Variants in NAV2 observed in about 807,000 individuals in gnomAD.
NAV2 encodes neuron navigator 2.
In NAV2, 54 loss-of-function variants were observed where a neutral mutation model predicts 223.2. The ratio of observed to expected loss-of-function variants is 0.24; its 90% CI spans 0.19 to 0.30. The LOEUF (loss-of-function observed/expected upper bound fraction) is 0.30. Among genes scored for constraint, NAV2 ranks in the 10% least tolerant of loss-of-function variants. The pLI, the probability that NAV2 is intolerant of heterozygous loss-of-function variation, is 1.00. For synonymous variants in NAV2, 1,279 were observed against 1,239.3 expected, an observed-to-expected ratio of 1.03 and a Z score of -0.67; for missense variants, 2,806 against 3,147.5, an observed-to-expected ratio of 0.89 and a Z score of 2.60.
In NAV2 at chr11:20,107,896, C is replaced by T. The variant is rs116650298; in HGVS notation, c.6960+114C>T. On this transcript the variant is annotated intron_variant, in intron 36 of 37. Coordinates refer to ENST00000349880, the MANE Select transcript of NAV2 (RefSeq NM_145117.5). Reference sequence around the variant, plus strand: ...TCTGACTGACATGGGGTGACAACCCCTCACCTGGGAGTTCATCAGTGTAGT... The same window carrying T: ...TCTGACTGACATGGGGTGACAACCCTTCACCTGGGAGTTCATCAGTGTAGT... 2.7e-3 allele frequency: 2,020 copies of T among 750,462 alleles called. 27 individuals are homozygous for T. The African/African-American group carries it at 0.031, about 11-fold the overall frequency. 46.5% of individuals were successfully genotyped at this position (750,462 alleles called of 1,614,324 possible).
chr11:19,376,483 A>T (rs559050436), intron 1 of NAV2, among the ~76,000 whole-genome samples: 7 of 152,340 alleles, frequency 4.6e-5, no homozygotes, highest in Non-Finnish European at 7.3e-5. Context: ...ACCTGCTGTT[A>T]TACTGCTAGT....
intron 3 of NAV2, among the ~76,000 whole-genome samples, chr11:19,859,758 C>A (rs1355962106): frequency 6.7e-6 from 1 of 150,368 alleles, no homozygotes; most frequent in Non-Finnish European, 1.5e-5. Context: ...GGGCGGCTGG[C>A]CGGGTGGGGG....
At position 19,738,973 on chromosome 11, in the gene NAV2, A is replaced by G. The variant is rs1047071487; in HGVS notation, c.267+25011A>G. On this transcript the variant is annotated intron_variant, in intron 1 of 37. Transcript: ENST00000349880. ...GATGGAAAAATGGAATTAGAAACAT[A>G]TACAAATCACTAGCCTGGGCAACAT... 1.2e-4 allele frequency among the ~76,000 whole-genome samples: 18 copies of G among 152,132 alleles called. 1 individual carries two copies. The highest frequency in any genetic ancestry group is 4.1e-4 in the African/African-American group (17 of 41,408).
intron 2 of NAV2, among the ~76,000 whole-genome samples, chr11:19,841,355 T>A (rs973587664): frequency 1.3e-5 from 2 of 152,242 alleles, no homozygotes; most frequent in African/African-American, 4.8e-5. Flanking sequence ...GATTCAGGTT[T>A]CTAAAATCTT....
chr11:19,864,365 T>C (rs930112903), intron 3 of NAV2, among the ~76,000 whole-genome samples: 6 of 152,198 alleles, frequency 3.9e-5, no homozygotes, highest in African/African-American at 1.4e-4. Context: ...CGGAGAAAAA[T>C]GCTGCCATGA....
chr11:20,063,561 G>C (rs4757027), intron 20 of NAV2, among the ~76,000 whole-genome samples: 88,517 of 151,816 alleles, frequency 0.58, 26,883 homozygotes, highest in Non-Finnish European at 0.67. Flanking sequence ...TTTTAGTAGA[G>C]ACGGGATTTC....
intron 6 of NAV2, among the ~76,000 whole-genome samples, chr11:19,927,486 G>A (rs974736042): frequency 1.3e-5 from 2 of 152,208 alleles, no homozygotes; most frequent in African/African-American, 2.4e-5. Flanking sequence ...GGAGGCTGAG[G>A]CAGCAGACTT....
At chr11:19,708,591 C>G (rs2049748834), upstream of NAV2, among the ~76,000 whole-genome samples, 1 of 152,090 alleles carries the variant, frequency 6.6e-6, no homozygotes, top group African/African-American at 2.4e-5. Flanking sequence ...ACTGGTCACT[C>G]ACAGGTCAGG....
intron 1 of NAV2, among the ~76,000 whole-genome samples, chr11:19,675,898 C>G (rs1342968043): frequency 6.6e-6 from 1 of 152,314 alleles, no homozygotes; most frequent in East Asian, 1.9e-4. Context: ...AGTGCTTACT[C>G]TGTACCATGC....
Position 20,121,017 on chromosome 11 carries a change from G to C in NAV2, c.*2759G>C, listed in dbSNP as rs2063448611. The C allele has an allele frequency of 6.6e-6, 1 of 152,376 alleles. No homozygotes were observed. Among genetic ancestry groups the C allele is most frequent in the African/African-American group, 2.4e-5 (1 of 41,424 alleles). 9.4% of individuals were successfully genotyped at this position (152,376 alleles called of 1,614,324 possible). On this transcript the variant is annotated 3_prime_UTR_variant, in exon 38 of 38. Coordinates refer to ENST00000349880, the MANE Select transcript of NAV2 (RefSeq NM_145117.5). ...GCCAAGAATGATACAGGCCATAATT[G>C]AAATGGGAATACCTTTTAAGTTTCA...
chr11:19,994,420 G>A (rs907548424), intron 11 of NAV2, among the ~76,000 whole-genome samples: 11 of 152,272 alleles, frequency 7.2e-5, no homozygotes, highest in South Asian at 4.1e-4. Context: ...GGTGGCGGGC[G>A]CCTGTAATCC....
intron 1 of NAV2, among the ~76,000 whole-genome samples, chr11:19,584,471 AG>A (rs1375146010): frequency 6.6e-6 from 1 of 152,026 alleles, no homozygotes; most frequent in Admixed American, 6.5e-5. Context: ...TTTTGATGTT[AG>A]GTTGTCAATT....
intron 1 of NAV2, among the ~76,000 whole-genome samples, chr11:19,526,341 T>C (rs2043842279): frequency 6.6e-6 from 1 of 152,160 alleles, no homozygotes. Flanking sequence ...TAACTTGAAG[T>C]CACAAAACAC....
intron 1 of NAV2, among the ~76,000 whole-genome samples, chr11:19,702,512 C>A (rs1247336530): frequency 1.3e-5 from 2 of 152,128 alleles, no homozygotes; most frequent in Non-Finnish European, 2.9e-5. Context: ...AGGCCAAGCA[C>A]ACACACCTGT....
intron 10 of NAV2, among the ~76,000 whole-genome samples, chr11:19,950,973 C>T (rs1466414385): frequency 6.6e-6 from 1 of 152,212 alleles, no homozygotes; most frequent in East Asian, 1.9e-4. Context: ...AGAAGCATTC[C>T]TGCCTTCTGC....
chr11:19,910,524 C>T lies in NAV2; in HGVS notation c.931+17930C>T, dbSNP rs554632705. The stretch of plus-strand genomic sequence containing the variant: ...GTATAGGGACACTGTAAATCAGAGG[C>T]GCCCTGGAGTTTGTTTTCTGACATA... On this transcript the variant is annotated intron_variant, in intron 6 of 37. Transcript: ENST00000349880. 4.6e-5 allele frequency among the ~76,000 whole-genome samples: 7 copies of T among 152,212 alleles called. No homozygotes were observed. The East Asian group carries it at 1.2e-3, about 25-fold the overall frequency.
intron 1 of NAV2, among the ~76,000 whole-genome samples, chr11:19,433,646 A>G (rs1224573279): frequency 6.6e-6 from 1 of 152,250 alleles, no homozygotes; most frequent in Non-Finnish European, 1.5e-5. Context: ...TTTGTGAGCC[A>G]GCAACAGGCT....
intron 1 of NAV2, among the ~76,000 whole-genome samples, chr11:19,680,631 C>T (rs12289908): frequency 0.12 from 18,651 of 152,066 alleles, 2,307 homozygotes; most frequent in African/African-American, 0.32. Context: ...CCTGCTGTGC[C>T]CCTTTGGGAA....
intron 1 of NAV2, among the ~76,000 whole-genome samples, chr11:19,728,125 T>C (rs539484725): frequency 1.3e-5 from 2 of 152,320 alleles, no homozygotes; most frequent in South Asian, 2.1e-4. Flanking sequence ...TGTGTTTGCA[T>C]GCACATGCGT....
Sources: gnomAD v4.1 joint callset for allele counts (sites outside exome capture counted in the v4.1 genomes callset) on GRCh38, gnomAD v4.1.1 for gene constraint, MANE v1.5 for transcripts, NCBI Gene and HGNC (gene_info 2026-07-23, HGNC 2026-07-21) for gene names.